CRYBG1: variants seen among roughly 807,000 people sequenced by gnomAD.
CRYBG1 encodes the protein beta/gamma crystallin domain-containing protein 1.
A neutral mutation model predicts 189.2 loss-of-function variants in CRYBG1; 139 were observed. The observed-to-expected ratio is 0.73, with a 90% confidence interval of 0.64 to 0.85. CRYBG1 has a LOEUF of 0.85. Among genes scored for constraint, CRYBG1 ranks in the 40% least tolerant of loss-of-function variants. The pLI, the probability that CRYBG1 is intolerant of heterozygous loss-of-function variation, is 0.00. For missense variants in CRYBG1, 2,611 were observed against 2,675.8 expected (o/e 0.98, Z 0.53); for synonymous variants, 1,023 against 1,017.1 (o/e 1.01, Z -0.11).
At position 106,511,646 on chromosome 6, in the gene CRYBG1, C is replaced by A; in HGVS notation, c.529C>A (p.Gln177Lys). The A allele has an allele frequency of 1.3e-6, 2 of 1,535,824 alleles. No individual in the cohort carries two copies. Among genetic ancestry groups the A allele is most frequent in the Non-Finnish European group, 1.7e-6 (2 of 1,146,710 alleles). The change falls in exon 3 of 22, where the codon CAA becomes AAA. Residue 177 changes from glutamine to lysine, a missense_variant. Transcript: ENST00000633556. ...RSRSQSSQLKQTDTSEEGSPR... is the reference protein window; with the variant it reads ...RSRSQSSQLKKTDTSEEGSPR... ...CAGATCTCAGAGCAGCCAACTGAAG[C>A]AAACGGACACAAGCGAGGAGGGCTC...
intron 8 of CRYBG1, among the ~76,000 whole-genome samples, chr6:106,535,353 T>G (rs901703972): frequency 2.0e-5 from 3 of 152,232 alleles, no homozygotes; most frequent in Non-Finnish European, 4.4e-5. Flanking sequence ...TACAGAAAAG[T>G]AGGAAGAATA....
intron 1 of CRYBG1, among the ~76,000 whole-genome samples, chr6:106,436,295 C>CTTTTT (rs56333625): frequency 1.4e-5 from 2 of 139,686 alleles, no homozygotes; most frequent in Non-Finnish European, 3.1e-5. Flanking sequence ...CATGCAATCT[C>CTTTTT]TTTTTTTTTT....
At chr6:106,389,942 T>C (rs936165507) in intron 1 of CRYBG1, among the ~76,000 whole-genome samples, 1 of 152,124 alleles carries the variant, frequency 6.6e-6, no homozygotes, top group African/African-American at 2.4e-5. Flanking sequence ...ATGAAAATAT[T>C]TCGTTGTTCA....
chr6:106,371,359 C>T (rs1220723961), intron 1 of CRYBG1, among the ~76,000 whole-genome samples: 1 of 152,174 alleles, frequency 6.6e-6, no homozygotes, highest in Non-Finnish European at 1.5e-5. Context: ...CATGTCATTA[C>T]AAACCTAAGA....
Position 106,520,947 on chromosome 6 carries a change from T to C in CRYBG1, c.3739T>C (p.Leu1247=). ...AAAAAGTGCACTTTTCTCAAGCTTG[T>C]TATCTTCTTTACCACAAGACAAAAT... ...LEKSALFSSL[L]SSLPQDKIFS... The change falls in exon 4 of 22, where the codon TTA becomes CTA. Residue 1247 remains leucine (L), a synonymous_variant. Transcript: ENST00000633556. 16 of 1,614,166 alleles carry C rather than the reference T, an allele frequency of 9.9e-6. No individual in the cohort carries two copies. Among genetic ancestry groups the C allele is most frequent in the Non-Finnish European group, 1.2e-5 (14 of 1,180,016 alleles).
In CRYBG1 at chr6:106,569,558, C is replaced by T. The variant is rs577792891; in HGVS notation, c.*992C>T. Reference sequence around the variant, plus strand: ...TTATTTTAACTCATCCATGGGCTGCCCTAGAATGTCACAAATGAGGGTTGT... The same window carrying T: ...TTATTTTAACTCATCCATGGGCTGCTCTAGAATGTCACAAATGAGGGTTGT... On this transcript the variant is annotated 3_prime_UTR_variant, in exon 22 of 22. Coordinates refer to ENST00000633556, the MANE Select transcript of CRYBG1 (RefSeq NM_001371242.2). 8.1e-4 allele frequency: 124 copies of T among 152,258 alleles called. No homozygotes were observed. The highest frequency in any genetic ancestry group is 2.9e-3 in the African/African-American group (121 of 41,556). 9.4% of individuals were successfully genotyped at this position (152,258 alleles called of 1,614,324 possible).
At chr6:106,403,831 A>G (rs1770768484) in intron 1 of CRYBG1, among the ~76,000 whole-genome samples, 1 of 152,242 alleles carries the variant, frequency 6.6e-6, no homozygotes, top group Non-Finnish European at 1.5e-5. Flanking sequence ...AATTAAAAAT[A>G]GCAACTTGAG....
At chr6:106,399,560 G>A (rs920588489) in intron 1 of CRYBG1, among the ~76,000 whole-genome samples, 1 of 152,134 alleles carries the variant, frequency 6.6e-6, no homozygotes, top group Admixed American at 6.5e-5. Context: ...ACCTAGTGAA[G>A]GAAACTTGCA....
chr6:106,473,602 C>T (rs1171948554), intron 2 of CRYBG1, among the ~76,000 whole-genome samples: 1 of 152,184 alleles, frequency 6.6e-6, no homozygotes, highest in African/African-American at 2.4e-5. Flanking sequence ...ACATTATACA[C>T]TATAGAGAGA....
At chr6:106,418,735 T>G (rs1204401507) in intron 1 of CRYBG1, among the ~76,000 whole-genome samples, 1 of 152,224 alleles carries the variant, frequency 6.6e-6, no homozygotes, top group Non-Finnish European at 1.5e-5. Context: ...ATCCGAGGTT[T>G]GTTGCCTCAT....
At position 106,451,733 on chromosome 6, in the gene CRYBG1, C is replaced by T. The variant is rs1582770151; in HGVS notation, c.213C>T (p.Asp71=). ...DVVDGKYVVR[D]SQEFPLHCGE... The stretch of plus-strand genomic sequence containing the variant: ...TCGATGGAAAATATGTGGTTCGAGA[C>T]TCCCAGGAATTTCCACTGCACTGTG... The change falls in exon 2 of 22, where the codon GAC becomes GAT. Residue 71 remains aspartate, a synonymous_variant. Transcript: ENST00000633556. 3.3e-6 allele frequency: 5 copies of T among 1,534,692 alleles called. No homozygotes were observed. Among genetic ancestry groups the T allele is most frequent in the Admixed American group, 2.0e-5 (1 of 50,886 alleles).
chr6:106,528,949 CTT>C (rs1433656973), intron 7 of CRYBG1, among the ~76,000 whole-genome samples: 12 of 141,166 alleles, frequency 8.5e-5, no homozygotes, highest in Non-Finnish European at 7.8e-5. Context: ...TTATAATTTT[CTT>C]TTTTTTTTTT....
At chr6:106,557,392 A>G (rs1304222761) in intron 17 of CRYBG1, among the ~76,000 whole-genome samples, 1 of 140,186 alleles carries the variant, frequency 7.1e-6, no homozygotes, top group Non-Finnish European at 1.5e-5. Flanking sequence ...AAAAATTGTA[A>G]TCCCCACATG....
intron 1 of CRYBG1, among the ~76,000 whole-genome samples, chr6:106,429,262 T>G (rs1458927274): frequency 6.6e-6 from 1 of 152,232 alleles, no homozygotes; most frequent in Non-Finnish European, 1.5e-5. Flanking sequence ...AGAGTTGATC[T>G]GGATAAATCA....
chr6:106,560,713 C>G lies in CRYBG1; in HGVS notation c.5856-90C>G, dbSNP rs972601074. On this transcript the variant is annotated intron_variant, in intron 18 of 21. Coordinates refer to ENST00000633556, the MANE Select transcript of CRYBG1 (RefSeq NM_001371242.2). ...GTATGTTAAAAGTATATAGTTCAGT[C>G]TAGAAATGGAAAGCATTCTAAAAAT... 15 of 1,436,140 alleles carry G rather than the reference C, an allele frequency of 1.0e-5. No individual in the cohort carries two copies. In the East Asian group the frequency reaches 3.6e-4, roughly 34 times the overall value. 89.0% of individuals were successfully genotyped at this position (1,436,140 alleles called of 1,614,324 possible).
At chr6:106,508,550 C>T (rs913046791) in intron 2 of CRYBG1, among the ~76,000 whole-genome samples, 1 of 152,180 alleles carries the variant, frequency 6.6e-6, no homozygotes, top group Non-Finnish European at 1.5e-5. Flanking sequence ...ATTAGATTTG[C>T]ACTGTCTAGA....
At chr6:106,525,824 G>GAA (rs35498768) in intron 6 of CRYBG1, among the ~76,000 whole-genome samples, 2 of 151,588 alleles carry the variant, frequency 1.3e-5, no homozygotes, top group Non-Finnish European at 2.9e-5. Flanking sequence ...AAACAATAAG[G>GAA]AAAAAAAATC....
chr6:106,542,558 G>T (rs1774157528), intron 10 of CRYBG1, among the ~76,000 whole-genome samples: 4 of 150,444 alleles, frequency 2.7e-5, no homozygotes. Context: ...GGAATTACAG[G>T]TGTGAGCCAC....
chr6:106,408,821 AC>A (rs1259225247), intron 1 of CRYBG1, among the ~76,000 whole-genome samples: 1 of 152,084 alleles, frequency 6.6e-6, no homozygotes, highest in African/African-American at 2.4e-5. Flanking sequence ...AAAATTCAAC[AC>A]CCTTTCATGC....
Sources: gnomAD v4.1 joint callset for allele counts (sites outside exome capture counted in the v4.1 genomes callset) on GRCh38, gnomAD v4.1.1 for gene constraint, MANE v1.5 for transcripts, NCBI Gene and HGNC (gene_info 2026-07-23, HGNC 2026-07-21) for gene names.